The following GPR161 variants were observed in gnomAD, a reference collection of about 807,000 sequenced individuals.
GPR161 encodes G protein-coupled receptor 161, also known as G-protein coupled receptor RE2.
GPR161 carries 25 observed loss-of-function variants against 39.2 expected under a neutral mutation model. The observed-to-expected ratio is 0.64, with a 90% confidence interval of 0.47 to 0.89. The LOEUF (loss-of-function observed/expected upper bound fraction) is 0.89. Among genes scored for constraint, GPR161 ranks in the 40% least tolerant of loss-of-function variants. The pLI is 0.00. For missense variants in GPR161, 547 were observed against 677.8 expected (o/e 0.81, Z 2.14); for synonymous variants, 286 against 276.6 (o/e 1.03, Z -0.34).
At chr1:168,091,597 T>G (rs953024845) in intron 3 of GPR161, among the ~76,000 whole-genome samples, 3 of 151,482 alleles carry the variant, frequency 2.0e-5, no homozygotes, top group Admixed American at 2.0e-4. Flanking sequence ...TTATTAGAGG[T>G]GAAGGGGTGC....
At chr1:168,093,718 G>A (rs963639124) in intron 3 of GPR161, among the ~76,000 whole-genome samples, 2 of 152,186 alleles carry the variant, frequency 1.3e-5, no homozygotes, top group African/African-American at 4.8e-5. Context: ...GCAGATCAAG[G>A]CCTTGCCCAC....
chr1:168,105,938 A>G (rs1223929490), intron 1 of GPR161, among the ~76,000 whole-genome samples: 3 of 152,218 alleles, frequency 2.0e-5, no homozygotes, highest in Admixed American at 6.5e-5. Flanking sequence ...TAAACTGCCT[A>G]CACACAGCAG....
In GPR161 at chr1:168,090,554, C is replaced by T. The variant is rs780430770; in HGVS notation, c.1204+10G>A. The T allele has an allele frequency of 1.4e-5, 22 of 1,519,050 alleles. No homozygotes were observed. Among genetic ancestry groups the T allele is most frequent in the Middle Eastern group, 1.7e-4 (1 of 5,874 alleles). 94.1% of individuals were successfully genotyped at this position (1,519,050 alleles called of 1,614,324 possible). On this transcript the variant is annotated intron_variant, in intron 4 of 5. Coordinates refer to ENST00000682931, the MANE Select transcript of GPR161 (RefSeq NM_001375883.1). The stretch of plus-strand genomic sequence containing the variant: ...CGACAGGTGAGAGGCTTATAAAGCA[C>T]GCAGGTTACCTGAGTCCTGGGAGCA...
chr1:168,100,646 A>C (rs1696010840), intron 2 of GPR161, among the ~76,000 whole-genome samples: 1 of 152,236 alleles, frequency 6.6e-6, no homozygotes, highest in Non-Finnish European at 1.5e-5. Flanking sequence ...GTCTTCAGTG[A>C]AAACAGAAAC....
At chr1:168,114,256 C>T (rs1294776863) in intron 1 of GPR161, among the ~76,000 whole-genome samples, 1 of 152,156 alleles carries the variant, frequency 6.6e-6, no homozygotes, top group Non-Finnish European at 1.5e-5. Context: ...TTGCTCTGCA[C>T]TTGTCAGAAG....
chr1:168,108,332 A>G (rs548544934), intron 1 of GPR161, among the ~76,000 whole-genome samples: 1 of 152,108 alleles, frequency 6.6e-6, no homozygotes, highest in South Asian at 2.1e-4. Flanking sequence ...TCAAATGTCA[A>G]CATGAGACTT....
At chr1:168,117,362 G>A (rs1697719497) in intron 1 of GPR161, among the ~76,000 whole-genome samples, 1 of 152,134 alleles carries the variant, frequency 6.6e-6, no homozygotes, top group African/African-American at 2.4e-5. Flanking sequence ...AACTTTTACA[G>A]GTAGGGATGA....
chr1:168,117,207 A>G (rs1477401476), intron 1 of GPR161, among the ~76,000 whole-genome samples: 1 of 152,174 alleles, frequency 6.6e-6, no homozygotes, highest in Non-Finnish European at 1.5e-5. Flanking sequence ...TCCTTAATCC[A>G]TTCCGTTCTT....
At position 168,084,718 on chromosome 1, in the gene GPR161, G is replaced by T. The variant is rs1301382423; in HGVS notation, c.*813C>A. On this transcript the variant is annotated 3_prime_UTR_variant, in exon 6 of 6. Coordinates refer to ENST00000682931, the MANE Select transcript of GPR161 (RefSeq NM_001375883.1). ...TTTCTCTATTTCCTGGCTGTGCTTG[G>T]CACTACAGTCCCATTCAGTCCGGTA... 2 of 405,316 alleles carry T rather than the reference G, an allele frequency of 4.9e-6. No homozygotes were observed. Among genetic ancestry groups the T allele is most frequent in the Non-Finnish European group, 9.6e-6 (2 of 207,278 alleles). 25.1% of individuals were successfully genotyped at this position (405,316 alleles called of 1,614,324 possible). A position where few individuals can be genotyped will look rare whatever the true frequency, so the allele number is the denominator to read the frequency against.
Position 168,085,734 on chromosome 1 carries a change from CG to C in GPR161, c.1386del (p.Tyr462Ter), listed in dbSNP as rs755719942. ...KAEVHKSLDS[Y>X]AASLAKAIEA... ...TCAATGGCTTTGGCCAAGCTTGCTG[CG>C]TAACTGTCCAAGGACTTGTGTACTT... On this transcript the variant is annotated frameshift_variant, in exon 6 of 6. Transcript: ENST00000682931. LOFTEE classifies it high-confidence loss of function. 6.2e-7 allele frequency: 1 copy of C among 1,614,102 alleles called. No individual in the cohort carries two copies. The highest frequency in any genetic ancestry group is 1.1e-5 in the South Asian group (1 of 91,074).
chr1:168,137,069 C>T, upstream of GPR161: 1 of 1,006,804 alleles, frequency 9.9e-7, no homozygotes, highest in Non-Finnish European at 1.2e-6. Flanking sequence ...CCACCCGCGC[C>T]CCTTCCTTCG....
intron 1 of GPR161, among the ~76,000 whole-genome samples, chr1:168,126,785 T>C (rs1332067732): frequency 6.6e-6 from 1 of 152,188 alleles, no homozygotes; most frequent in Non-Finnish European, 1.5e-5. Flanking sequence ...GGTGAGGATG[T>C]TTTCCCTTCC....
upstream of GPR161, chr1:168,137,485 G>T: frequency 8.3e-7 from 1 of 1,211,062 alleles, no homozygotes; most frequent in Non-Finnish European, 1.2e-6. Context: ...TCGTCCCGAA[G>T]CCAGCCCCGG....
rs992539131 is a variant in GPR161 at position 168,081,466 on chromosome 1, C to T, written c.*4065G>A. The T allele has an allele frequency of 3.9e-5, 6 of 152,250 alleles. No individual in the cohort carries two copies. Among genetic ancestry groups the T allele is most frequent in the Non-Finnish European group, 7.3e-5 (5 of 68,044 alleles). 9.4% of individuals were successfully genotyped at this position (152,250 alleles called of 1,614,324 possible). A position where few individuals can be genotyped will look rare whatever the true frequency, so the allele number is the denominator to read the frequency against. On this transcript the variant is annotated 3_prime_UTR_variant, in exon 6 of 6. Coordinates refer to ENST00000682931, the MANE Select transcript of GPR161 (RefSeq NM_001375883.1). Reference sequence around the variant, plus strand: ...AGATACTGTGAAGAAACACCAGTGGCTCAGCTTCAGCTGCACCCCAGGCAT... The same window carrying T: ...AGATACTGTGAAGAAACACCAGTGGTTCAGCTTCAGCTGCACCCCAGGCAT...
intron 1 of GPR161, among the ~76,000 whole-genome samples, chr1:168,114,709 G>A (rs993986820): frequency 3.3e-5 from 5 of 152,192 alleles, no homozygotes; most frequent in African/African-American, 1.2e-4. Context: ...GAGTTATTGT[G>A]AGCACTGAGT....
chr1:168,136,082 C>T, intron 1 of GPR161: 4 of 1,258,128 alleles, frequency 3.2e-6, no homozygotes, highest in Non-Finnish European at 4.0e-6. Context: ...CAGAAGGCGC[C>T]GAGGGCTGGT....
intron 1 of GPR161, chr1:168,136,402 G>C: frequency 7.1e-7 from 1 of 1,401,206 alleles, no homozygotes; most frequent in Non-Finnish European, 9.3e-7. Flanking sequence ...CCCATCCAGC[G>C]GACTGTTTAG....
intron 1 of GPR161, among the ~76,000 whole-genome samples, chr1:168,131,373 CCAAA>C (rs1698979126): frequency 6.6e-6 from 1 of 152,146 alleles, no homozygotes; most frequent in Admixed American, 6.6e-5. Flanking sequence ...TCACAGTTCT[CCAAA>C]CACTCACTGT....
At chr1:168,136,692 G>A in intron 1 of GPR161, 47 bp downstream of exon 1, 6 of 1,087,384 alleles carry the variant, frequency 5.5e-6, no homozygotes, top group Non-Finnish European at 6.7e-6. Flanking sequence ...CATCCGGACC[G>A]CCCTCTCCGC....
Sources: gnomAD v4.1 joint callset for allele counts (sites outside exome capture counted in the v4.1 genomes callset) on GRCh38, gnomAD v4.1.1 for gene constraint, MANE v1.5 for transcripts, NCBI Gene and HGNC (gene_info 2026-07-23, HGNC 2026-07-21) for gene names.